The following CYP46A1 variants were observed in gnomAD, a reference collection of about 807,000 sequenced individuals.
CYP46A1 encodes the protein cholesterol 24-hydroxylase.
A neutral mutation model predicts 63.3 loss-of-function variants in CYP46A1; 20 were observed. The observed-to-expected ratio is 0.32, with a 90% CI of 0.22 to 0.46. The LOEUF is 0.46. Ranked by LOEUF, CYP46A1 falls within the 20% of genes least tolerant of loss-of-function variation. The probability of loss-of-function intolerance (pLI) is 1.00; values close to 1 mark genes in which losing one functional copy is unlikely to be tolerated. For synonymous variants in CYP46A1, 268 were observed against 273.6 expected (o/e 0.98, Z 0.20); for missense variants, 445 against 670.8 (o/e 0.66, Z 3.72).
chr14:99,689,133 AGC>A lies in CYP46A1; in HGVS notation c.120-1947_120-1946del, dbSNP rs574603645. Among the ~76,000 whole-genome samples the A allele has an allele frequency of 7.2e-3, 1,097 of 152,170 alleles. 6 individuals are homozygous for A. Among genetic ancestry groups the A allele is most frequent in the South Asian group, 0.012 (60 of 4,824 alleles). On this transcript the variant is annotated intron_variant, in intron 1 of 14. Coordinates refer to ENST00000261835, the MANE Select transcript of CYP46A1 (RefSeq NM_006668.2). ...TGTGGGCTCTCAAATTTATGTCTCTAGCCTACAGCCCTTCCCTGGGCTCCAGA... is the reference window on the plus strand; with the variant it reads ...TGTGGGCTCTCAAATTTATGTCTCTACTACAGCCCTTCCCTGGGCTCCAGA...
chr14:99,720,994 A>AGGG (rs1224412383), intron 10 of CYP46A1, among the ~76,000 whole-genome samples: 1 of 152,012 alleles, frequency 6.6e-6, no homozygotes, highest in Non-Finnish European at 1.5e-5. Context: ...CTGAGGCGGG[A>AGGG]GAATTGCTTG....
Position 99,726,206 on chromosome 14 carries a change from T to C in CYP46A1, c.1282T>C (p.Phe428Leu). The C allele has an allele frequency of 6.2e-7, 1 of 1,613,990 alleles. No individual in the cohort carries two copies. The highest frequency in any genetic ancestry group is 8.5e-7 in the Non-Finnish European group (1 of 1,179,968). Residue 428 changes from phenylalanine (F) to leucine (L), a missense_variant, in exon 14 of 15, where the codon TTC becomes CTC. By Grantham distance (22) the Phe-to-Leu change is conservative. Coordinates refer to ENST00000261835, the MANE Select transcript of CYP46A1 (RefSeq NM_006668.2). ...TCCCTGCAGGCCACGGTTCACCTAC[T>C]TCCCCTTCTCCCTGGGCCACCGCTC... is the stretch of plus-strand genomic sequence containing the variant. The part of the protein sequence containing the change: ...PGAPKPRFTY[F>L]PFSLGHRSCI...
chr14:99,701,856 G>T (rs2056633656), intron 5 of CYP46A1, among the ~76,000 whole-genome samples: 1 of 152,258 alleles, frequency 6.6e-6, no homozygotes, highest in South Asian at 2.1e-4. Flanking sequence ...GATCACCTGA[G>T]ATCAGGAGTT....
Position 99,706,726 on chromosome 14 carries a change from C to T in CYP46A1, c.523C>T (p.Gln175Ter). 1.2e-6 allele frequency: 2 copies of T among 1,613,782 alleles called. No individual in the cohort carries two copies. Among genetic ancestry groups the T allele is most frequent in the Non-Finnish European group, 1.7e-6 (2 of 1,180,000 alleles). ...VEILEAKADG[Q>*]TPVSMQDMLT... The stretch of plus-strand genomic sequence containing the variant: ...GATTCTAGAAGCCAAGGCAGATGGG[C>T]AGACCCCAGTGTCCATGCAGGACAT... The change falls in exon 6 of 15, where the codon CAG (glutamine) becomes TAG (stop). Residue 175 changes from glutamine (Q) to a stop codon, truncating the protein, a stop_gained. Transcript: ENST00000261835. LOFTEE classifies it high-confidence loss of function.
At chr14:99,705,025 A>G (rs1420282732) in intron 5 of CYP46A1, among the ~76,000 whole-genome samples, 1 of 152,244 alleles carries the variant, frequency 6.6e-6, no homozygotes, top group East Asian at 1.9e-4. Flanking sequence ...AGCAGACTCC[A>G]GCTCTTAAGC....
rs762310846 is a variant in CYP46A1 at position 99,707,612 on chromosome 14, G to A, written c.627G>A (p.Lys209=). Residue 209 remains lysine (K), a synonymous_variant, in exon 7 of 15, where the codon AAG becomes AAA. Coordinates refer to ENST00000261835, the MANE Select transcript of CYP46A1 (RefSeq NM_006668.2). ...METSMLLGAQ[K]PLSQAVKLML... ...CCAGTATGCTGCTGGGTGCCCAGAAGCCTCTGTCCCAGGCAGTGAAACTTA... is the reference window on the plus strand; with the variant it reads ...CCAGTATGCTGCTGGGTGCCCAGAAACCTCTGTCCCAGGCAGTGAAACTTA... 5 of 1,614,140 alleles carry A rather than the reference G, an allele frequency of 3.1e-6. No homozygotes were observed. Among genetic ancestry groups the A allele is most frequent in the Admixed American group, 1.7e-5 (1 of 60,022 alleles).
In CYP46A1 at chr14:99,726,692, G is replaced by A. The variant is rs1281325466; in HGVS notation, c.1468G>A (p.Gly490Ser). 1.7e-5 allele frequency: 27 copies of A among 1,545,056 alleles called. No homozygotes were observed. The highest frequency in any genetic ancestry group is 7.3e-5 in the East Asian group (3 of 41,112). ...CGTGCTGTGCACCCTGCGGCCCCGC[G>A]GCTGGCAGCCCGCACCCCCACCACC... The part of the protein sequence containing the change: ...DPVLCTLRPR[G>S]WQPAPPPPPC Residue 490 changes from glycine (G) to serine (S), a missense_variant, in exon 15 of 15, where the codon GGC becomes AGC. Transcript: ENST00000261835.
intron 1 of CYP46A1, among the ~76,000 whole-genome samples, chr14:99,685,083 TG>T (rs2056479728): frequency 9.5e-5 from 1 of 10,560 alleles, no homozygotes; most frequent in Non-Finnish European, 2.0e-4. Flanking sequence ...CCCCTCAACT[TG>T]CCAACCCCCC....
At chr14:99,717,241 G>A (rs960797844) in intron 9 of CYP46A1, among the ~76,000 whole-genome samples, 4 of 152,148 alleles carry the variant, frequency 2.6e-5, no homozygotes, top group Admixed American at 2.0e-4. Context: ...GCCTTCCAGA[G>A]AGGGTTTATT....
intron 14 of CYP46A1, 46 bp from the exon 15 acceptor site, chr14:99,726,510 CT>C: frequency 1.0e-5 from 15 of 1,484,022 alleles, no homozygotes; most frequent in Non-Finnish European, 1.4e-5. Flanking sequence ...CTCACTCATT[CT>C]GTCTTTGCTC....
intron 5 of CYP46A1, among the ~76,000 whole-genome samples, chr14:99,701,571 C>T (rs1033699090): frequency 1.3e-5 from 2 of 152,154 alleles, no homozygotes; most frequent in Non-Finnish European, 2.9e-5. Flanking sequence ...TGAAGACATT[C>T]CCTAACAACA....
chr14:99,684,413 G>C lies in CYP46A1; in HGVS notation c.-5G>C. 1.4e-6 allele frequency: 2 copies of C among 1,452,784 alleles called. No individual in the cohort carries two copies. Among genetic ancestry groups the C allele is most frequent in the Non-Finnish European group, 1.8e-6 (2 of 1,106,878 alleles). The allele number at this position is 1,452,784 out of a possible 1,614,324, so 90.0% of individuals were successfully genotyped here. A position where few individuals can be genotyped will look rare whatever the true frequency, so the allele number is the denominator to read the frequency against. On this transcript the variant is annotated 5_prime_UTR_variant, in exon 1 of 15. Coordinates refer to ENST00000261835, the MANE Select transcript of CYP46A1 (RefSeq NM_006668.2). ...CCCTGGCCTGGCCTGCCCTGCCCCGGAGCCATGAGCCCCGGGCTGCTGCTG... is the reference window on the plus strand; with the variant it reads ...CCCTGGCCTGGCCTGCCCTGCCCCGCAGCCATGAGCCCCGGGCTGCTGCTG...
intron 5 of CYP46A1, chr14:99,703,907 A>G (rs2056653064): frequency 1.0e-6 from 1 of 981,816 alleles, no homozygotes; most frequent in Non-Finnish European, 1.2e-6. Context: ...AGTAGACTGG[A>G]AAGAGACATT....
At chr14:99,719,485 G>A (rs1322592725) in intron 10 of CYP46A1, among the ~76,000 whole-genome samples, 1 of 151,774 alleles carries the variant, frequency 6.6e-6, no homozygotes, top group Non-Finnish European at 1.5e-5. Flanking sequence ...GCATCACAAA[G>A]TGCTGGGATT....
At chr14:99,690,674 C>T (rs997288483) in intron 1 of CYP46A1, among the ~76,000 whole-genome samples, 4 of 152,264 alleles carry the variant, frequency 2.6e-5, no homozygotes, top group Non-Finnish European at 2.9e-5. Flanking sequence ...CCTTTCATCT[C>T]GGCTGTCCTA....
intron 7 of CYP46A1, chr14:99,709,963 T>C (rs989980227): frequency 3.9e-5 from 6 of 152,116 alleles, no homozygotes; most frequent in Non-Finnish European, 7.4e-5. Flanking sequence ...TCAGTCAAGA[T>C]TATAGTACCC....
intron 3 of CYP46A1, among the ~76,000 whole-genome samples, chr14:99,692,244 T>G (rs565790675): frequency 6.6e-4 from 100 of 152,370 alleles, no homozygotes; most frequent in Non-Finnish European, 1.2e-3. Flanking sequence ...ACAAATAATA[T>G]GTCAAAACAT....
intron 2 of CYP46A1, chr14:99,691,416 G>C (rs1595184428): frequency 1.7e-6 from 1 of 579,662 alleles, no homozygotes; most frequent in East Asian, 2.9e-5. Flanking sequence ...TAAACTGGGT[G>C]GGGGGGTGTG....
rs2056888270 is a variant in CYP46A1, at chr14:99,725,543, C to T, written c.1265+64C>T. The T allele has an allele frequency of 7.8e-7, 1 of 1,285,052 alleles. No individual in the cohort carries two copies. The highest frequency in any genetic ancestry group is 1.5e-5 in the African/African-American group (1 of 68,642). 79.6% of individuals were successfully genotyped at this position (1,285,052 alleles called of 1,614,324 possible). A position where few individuals can be genotyped will look rare whatever the true frequency, so the allele number is the denominator to read the frequency against. On this transcript the variant is annotated intron_variant, in intron 13 of 14. Coordinates refer to ENST00000261835, the MANE Select transcript of CYP46A1 (RefSeq NM_006668.2). The surrounding 1 kb of genome is among the most constrained non-coding windows in gnomAD (Gnocchi z 4.2). ...GGGAGAAGGACAGACACAGCGGCCTCTGGTCTGAGCCAGAGGCACCCACTC... is the reference window on the plus strand; with the variant it reads ...GGGAGAAGGACAGACACAGCGGCCTTTGGTCTGAGCCAGAGGCACCCACTC...
Sources: allele counts gnomAD v4.1 joint callset (sites outside exome capture counted in the v4.1 genomes callset), GRCh38; gene constraint gnomAD v4.1.1; non-coding constraint Gnocchi (gnomAD v3.1); transcripts MANE v1.5; gene names NCBI Gene and HGNC (gene_info 2026-07-23, HGNC 2026-07-21).